The following ANGPTL5 variants were observed in gnomAD, a reference collection of about 807,000 sequenced individuals.
ANGPTL5 encodes the protein angiopoietin-related protein 5.
A neutral mutation model predicts 39.4 loss-of-function variants in ANGPTL5; 34 were observed. The observed-to-expected ratio is 0.86, with a 90% CI of 0.66 to 1.15. The LOEUF (loss-of-function observed/expected upper bound fraction) is 1.15, where lower values mean the gene tolerates loss of function less well. Ranked by LOEUF, ANGPTL5 falls within the 50% of genes most tolerant of loss-of-function variation. The probability of loss-of-function intolerance (pLI) is 0.00; values close to 1 mark genes in which losing one functional copy is unlikely to be tolerated. For synonymous variants in ANGPTL5, 146 were observed against 152.1 expected, an observed-to-expected ratio of 0.96 and a Z score of 0.29; for missense variants, 467 against 457.5, an observed-to-expected ratio of 1.02 and a Z score of -0.19.
At chr11:101,894,778 T>C in intron 8 of ANGPTL5, 101 bp downstream of exon 8, 1 of 1,113,706 alleles carries the variant, frequency 9.0e-7, no homozygotes, top group South Asian at 1.4e-5. Flanking sequence ...TTATCAGTTA[T>C]GTGTTATATA....
At chr11:101,910,091 T>C (rs1216691387) in intron 1 of ANGPTL5, among the ~76,000 whole-genome samples, 1 of 152,174 alleles carries the variant, frequency 6.6e-6, no homozygotes, top group Non-Finnish European at 1.5e-5. Context: ...ATAAATTCTG[T>C]TTATTTTCTG....
At chr11:101,903,649 T>G (rs553077652) in intron 5 of ANGPTL5, among the ~76,000 whole-genome samples, 3 of 152,102 alleles carry the variant, frequency 2.0e-5, no homozygotes, top group Admixed American at 2.0e-4. Flanking sequence ...AGACATAGAT[T>G]TGTTGTTGCC....
chr11:101,891,442 A>T lies in ANGPTL5; in HGVS notation c.1004T>A (p.Phe335Tyr). The change falls in exon 9 of 9, where the codon TTT becomes TAT. Residue 335 changes from phenylalanine (F) to tyrosine (Y), a missense_variant. Coordinates refer to ENST00000334289, the MANE Select transcript of ANGPTL5 (RefSeq NM_178127.5). The part of the protein sequence containing the change: ...SHLHNKTGWW[F>Y]NECGLANLNG... ...TAGATTTGCTAGACCACACTCGTTA[A>T]ACCACCAGCCGGTCTTGTTATGGAG... 6.2e-7 allele frequency: 1 copy of T among 1,614,122 alleles called. No homozygotes were observed. The highest frequency in any genetic ancestry group is 8.5e-7 in the Non-Finnish European group (1 of 1,180,002).
intron 5 of ANGPTL5, among the ~76,000 whole-genome samples, chr11:101,903,466 C>T (rs1939943849): frequency 6.6e-6 from 1 of 152,128 alleles, no homozygotes; most frequent in African/African-American, 2.4e-5. Flanking sequence ...CCCATCTTAA[C>T]ATCCTAGTTC....
At chr11:101,896,857 T>C (rs1172975653) in intron 7 of ANGPTL5, among the ~76,000 whole-genome samples, 1 of 152,208 alleles carries the variant, frequency 6.6e-6, no homozygotes, top group Non-Finnish European at 1.5e-5. Context: ...TTATAATCCT[T>C]TGGGTATATA....
intron 1 of ANGPTL5, among the ~76,000 whole-genome samples, chr11:101,911,971 C>T (rs901033342): frequency 1.3e-5 from 2 of 152,216 alleles, no homozygotes; most frequent in African/African-American, 4.8e-5. Context: ...CCTAATTTCC[C>T]TTCCTTTGGG....
At chr11:101,896,809 T>C (rs1939805744) in intron 7 of ANGPTL5, among the ~76,000 whole-genome samples, 3 of 152,240 alleles carry the variant, frequency 2.0e-5, no homozygotes, top group Non-Finnish European at 2.9e-5. Context: ...AGTGCTGCAA[T>C]ACACGTACAT....
chr11:101,893,050 T>C (rs1010528751), intron 8 of ANGPTL5, among the ~76,000 whole-genome samples: 2 of 152,226 alleles, frequency 1.3e-5, no homozygotes, highest in African/African-American at 4.8e-5. Context: ...AACAATGTGA[T>C]CACTCCATGG....
chr11:101,912,817 C>G (rs773765942), intron 1 of ANGPTL5, among the ~76,000 whole-genome samples: 4 of 152,164 alleles, frequency 2.6e-5, no homozygotes, highest in Non-Finnish European at 5.9e-5. Context: ...ATATCCTCTT[C>G]CTGTTGTAGT....
chr11:101,893,676 G>C (rs577365223), intron 8 of ANGPTL5, among the ~76,000 whole-genome samples: 40 of 152,204 alleles, frequency 2.6e-4, no homozygotes, highest in African/African-American at 6.3e-4. Context: ...CCTTTAGATA[G>C]TTCTTTGCAC....
At chr11:101,915,130 C>G (rs1940171933) in intron 1 of ANGPTL5, 1 of 1,145,520 alleles carries the variant, frequency 8.7e-7, no homozygotes, top group Non-Finnish European at 1.2e-6. Context: ...TGCCGCTGCG[C>G]GGGAGCTAGG....
chr11:101,897,256 C>T (rs1449153009), intron 7 of ANGPTL5, among the ~76,000 whole-genome samples: 2 of 152,062 alleles, frequency 1.3e-5, no homozygotes, highest in Non-Finnish European at 2.9e-5. Context: ...TGGATATTAG[C>T]CCTTTGCCAG....
At chr11:101,915,426 C>G (rs759863209) in intron 1 of ANGPTL5, 1 of 1,598,022 alleles carries the variant, frequency 6.3e-7, no homozygotes, top group Non-Finnish European at 8.6e-7. Context: ...TCCTTCCCAG[C>G]CTGTGGCTGC....
At chr11:101,896,813 C>G (rs953719356) in intron 7 of ANGPTL5, among the ~76,000 whole-genome samples, 8 of 152,186 alleles carry the variant, frequency 5.3e-5, no homozygotes, top group African/African-American at 1.9e-4. Context: ...CTGCAATACA[C>G]GTACATGTAC....
rs34425298 is a variant in ANGPTL5, at chr11:101,901,015, C to CTTTTTTT, written c.541-472_541-466dup. Reference sequence around the variant, plus strand: ...TACAGGCGCCCGCTAGCACCCCCGGCTTTTTTTTTTTTTTTTTTTTTCTTT... The same window carrying CTTTTTTT: ...TACAGGCGCCCGCTAGCACCCCCGGCTTTTTTTTTTTTTTTTTTTTTTTTTTTTCTTT... On this transcript the variant is annotated intron_variant, in intron 6 of 8. Coordinates refer to ENST00000334289, the MANE Select transcript of ANGPTL5 (RefSeq NM_178127.5). Among the ~76,000 whole-genome samples the CTTTTTTT allele has an allele frequency of 3.0e-3, 299 of 98,544 alleles. 5 individuals are homozygous for CTTTTTTT. The highest frequency in any genetic ancestry group is 8.7e-3 in the African/African-American group (207 of 23,780). 64.6% of individuals were successfully genotyped at this position (98,544 alleles called of 152,430 possible).
chr11:101,912,559 A>C (rs540310931), intron 1 of ANGPTL5, among the ~76,000 whole-genome samples: 45 of 152,362 alleles, frequency 3.0e-4, no homozygotes, highest in Non-Finnish European at 2.6e-4. Context: ...GAAGAAATAA[A>C]GAAAGAATTT....
At chr11:101,897,029 CT>C (rs1939809923) in intron 7 of ANGPTL5, among the ~76,000 whole-genome samples, 1 of 152,202 alleles carries the variant, frequency 6.6e-6, no homozygotes, top group Admixed American at 6.5e-5. Context: ...TGTTTCCTGA[CT>C]TTTTACTTAT....
intron 5 of ANGPTL5, among the ~76,000 whole-genome samples, chr11:101,904,292 T>A (rs895452143): frequency 6.6e-6 from 1 of 152,156 alleles, no homozygotes; most frequent in South Asian, 2.1e-4. Flanking sequence ...AAATTCATAT[T>A]TATAAGATTT....
chr11:101,895,175 TA>T (rs1939770760), intron 7 of ANGPTL5, 111 bp from the exon 8 acceptor site: 2 of 928,090 alleles, frequency 2.2e-6, no homozygotes, highest in Admixed American at 2.9e-5. Flanking sequence ...ATGGCTCAGA[TA>T]AGTAATTAAA....
Sources: allele counts gnomAD v4.1 joint callset (sites outside exome capture counted in the v4.1 genomes callset), GRCh38; gene constraint gnomAD v4.1.1; transcripts MANE v1.5; gene names NCBI Gene and HGNC (gene_info 2026-07-23, HGNC 2026-07-21).